TSKS: variants seen among roughly 807,000 people sequenced by gnomAD.
TSKS encodes the protein testis specific serine kinase substrate.
A neutral mutation model predicts 68.0 loss-of-function variants in TSKS; 27 were observed. The observed-to-expected ratio is 0.40, with a 90% CI of 0.29 to 0.55. TSKS has a LOEUF of 0.55. Ranked by LOEUF, TSKS falls within the 20% of genes least tolerant of loss-of-function variation. The probability of loss-of-function intolerance (pLI) is 0.53; values close to 1 mark genes in which losing one functional copy is unlikely to be tolerated. For synonymous variants in TSKS, 331 were observed against 340.4 expected (o/e 0.97, Z 0.30); for missense variants, 806 against 776.0 (o/e 1.04, Z -0.46).
chr19:49,756,394 G>A (rs983769080), intron 2 of TSKS, among the ~76,000 whole-genome samples: 4 of 152,078 alleles, frequency 2.6e-5, no homozygotes, highest in African/African-American at 9.7e-5. Context: ...AGGAGGTTGA[G>A]GCTGCAGTGA....
intron 2 of TSKS, among the ~76,000 whole-genome samples, chr19:49,749,350 C>T (rs185273512): frequency 6.6e-6 from 1 of 152,312 alleles, no homozygotes; most frequent in Non-Finnish European, 1.5e-5. Context: ...ATTCAGAACG[C>T]TTGTTTTAAA....
chr19:49,752,383 C>CA (rs35015955), intron 2 of TSKS, among the ~76,000 whole-genome samples: 1,951 of 83,090 alleles, frequency 0.023, 30 homozygotes, highest in African/African-American at 0.049. Context: ...AACTCCATCT[C>CA]AAAAAAAAAA....
At position 49,745,317 on chromosome 19, in the gene TSKS, G is replaced by C. The variant is rs2084288251; in HGVS notation, c.1072C>G (p.Leu358Val). 1.9e-6 allele frequency: 3 copies of C among 1,603,654 alleles called. No individual in the cohort carries two copies. The African/African-American group carries it at 4.0e-5, about 21-fold the overall frequency. Reference sequence around the variant, plus strand: ...AGGAAGCCGTCGACCCTGCCGCCCAGGCCCCCGAGCAGCCGCAGGGCTTCC... The same window carrying C: ...AGGAAGCCGTCGACCCTGCCGCCCACGCCCCCGAGCAGCCGCAGGGCTTCC... ...VQEALRLLGG[L>V]GGRVDGFLGQ... The change falls in exon 7 of 11, where the codon CTG becomes GTG. Residue 358 changes from leucine to valine, a missense_variant. Coordinates refer to ENST00000246801, the MANE Select transcript of TSKS (RefSeq NM_021733.2).
At chr19:49,745,486 A>C in intron 6 of TSKS, 90 bp from the exon 7 acceptor site, 2 of 1,138,022 alleles carry the variant, frequency 1.8e-6, no homozygotes, top group South Asian at 1.8e-5. Context: ...GGACTCACCT[A>C]TCTCGCCCCA....
rs748716590 is a variant in TSKS at position 49,746,519 on chromosome 19, C to G, written c.943G>C (p.Val315Leu). 6.2e-7 allele frequency: 1 copy of G among 1,613,884 alleles called. No individual in the cohort carries two copies. The highest frequency in any genetic ancestry group is 8.5e-7 in the Non-Finnish European group (1 of 1,179,952). The change falls in exon 6 of 11, where the codon GTG becomes CTG. Residue 315 changes from valine (V) to leucine (L), a missense_variant. Coordinates refer to ENST00000246801, the MANE Select transcript of TSKS (RefSeq NM_021733.2). ...MGPRAGEGPY[V>L]SEQELQKLFT... The stretch of plus-strand genomic sequence containing the variant: ...AGCTTCTGCAATTCCTGCTCGCTCA[C>G]GTAGGGGCCCTCGCCAGCCCGAGGC...
rs750484116 is a variant in TSKS at position 49,740,154 on chromosome 19, G to A, written c.1527C>T (p.His509=). ...TGGAGCTCAGGGCCTCTGCCCTGAC[G>A]TGTTTGGCTAAGGCCTGGCGCTCCA... ...LELERQALAK[H]VRAEALSSTL... The change falls in exon 10 of 11, where the codon CAC becomes CAT. Residue 509 remains histidine (H), a synonymous_variant. Transcript: ENST00000246801. 24 of 1,613,724 alleles carry A rather than the reference G, an allele frequency of 1.5e-5. No individual in the cohort carries two copies. Among genetic ancestry groups the A allele is most frequent in the Admixed American group, 3.3e-5 (2 of 59,980 alleles).
At chr19:49,746,255 A>G (rs1202910524) in intron 6 of TSKS, among the ~76,000 whole-genome samples, 2 of 151,820 alleles carry the variant, frequency 1.3e-5, no homozygotes, top group Non-Finnish European at 2.9e-5. Flanking sequence ...CAGCTCCTGG[A>G]GACTCCTCCC....
chr19:49,757,372 T>G (rs1017799656), intron 2 of TSKS, among the ~76,000 whole-genome samples: 5 of 152,146 alleles, frequency 3.3e-5, no homozygotes, highest in African/African-American at 1.2e-4. Flanking sequence ...CCTCCAAGTT[T>G]GTTGTTTGAA....
At chr19:49,743,493 C>CTT (rs761657800) in intron 8 of TSKS, among the ~76,000 whole-genome samples, 1,614 of 103,864 alleles carry the variant, frequency 0.016, 28 homozygotes, top group African/African-American at 0.022. Flanking sequence ...AAGTGAATTT[C>CTT]TTTTTTTTTT....
intron 2 of TSKS, among the ~76,000 whole-genome samples, chr19:49,751,023 G>A (rs1280496959): frequency 1.3e-5 from 2 of 151,944 alleles, no homozygotes; most frequent in East Asian, 3.9e-4. Context: ...AATAATTCAG[G>A]CCGGGCACAG....
chr19:49,745,859 G>T (rs1288036847), intron 6 of TSKS, among the ~76,000 whole-genome samples: 1 of 152,160 alleles, frequency 6.6e-6, no homozygotes, highest in Non-Finnish European at 1.5e-5. Context: ...TCCCTCCTCT[G>T]CTCTTGGAGA....
intron 6 of TSKS, 79 bp from the exon 7 acceptor site, chr19:49,745,475 A>G: frequency 8.2e-7 from 1 of 1,220,540 alleles, no homozygotes; most frequent in Admixed American, 2.8e-5. Flanking sequence ...TAGGTGGGAC[A>G]GGACTCACCT....
intron 2 of TSKS, among the ~76,000 whole-genome samples, chr19:49,751,301 C>CAAAAAA (rs55750605): frequency 3.7e-4 from 13 of 35,030 alleles, no homozygotes; most frequent in South Asian, 2.1e-3. Flanking sequence ...GATTCCATCT[C>CAAAAAA]AAAAAAAAAA....
chr19:49,746,757 C>T lies in TSKS; in HGVS notation c.705G>A (p.Thr235=). ...RYLQQQLQDE[T]PRRQEAELQE... ...GCAGCTCGGCCTCCTGCCGTCGCGG[C>T]GTCTCATCCTGCAGCTGCTGCTGGA... The change falls in exon 6 of 11, where the codon ACG becomes ACA. Residue 235 remains threonine, a synonymous_variant. Coordinates refer to ENST00000246801, the MANE Select transcript of TSKS (RefSeq NM_021733.2). The T allele has an allele frequency of 6.2e-7, 1 of 1,601,340 alleles. No individual in the cohort carries two copies. Among genetic ancestry groups the T allele is most frequent in the Non-Finnish European group, 8.5e-7 (1 of 1,179,674 alleles).
At chr19:49,745,164 C>T (rs1433946360) in intron 7 of TSKS, 38 bp downstream of exon 7, 3 of 1,526,454 alleles carry the variant, frequency 2.0e-6, no homozygotes. Flanking sequence ...ATTGCCCTGC[C>T]CCTTCCGGTC....
intron 2 of TSKS, among the ~76,000 whole-genome samples, chr19:49,761,184 T>C (rs2084437576): frequency 6.6e-6 from 1 of 152,134 alleles, no homozygotes; most frequent in South Asian, 2.1e-4. Context: ...TCCCTGAACA[T>C]AGAAAGTGCT....
intron 8 of TSKS, 72 bp from the exon 9 acceptor site, chr19:49,742,092 C>T: frequency 6.4e-7 from 1 of 1,562,684 alleles, no homozygotes; most frequent in African/African-American, 1.4e-5. Flanking sequence ...CCATGCTCAC[C>T]TGTGGAGCCT....
chr19:49,750,538 TA>T (rs1284697365), intron 2 of TSKS, among the ~76,000 whole-genome samples: 1 of 152,150 alleles, frequency 6.6e-6, no homozygotes, highest in Non-Finnish European at 1.5e-5. Context: ...ATTACAGGCG[TA>T]AGCCACCGTG....
At chr19:49,744,689 C>A (rs2084281371) in intron 7 of TSKS, among the ~76,000 whole-genome samples, 1 of 152,028 alleles carries the variant, frequency 6.6e-6, no homozygotes, top group South Asian at 2.1e-4. Context: ...CTCAAGCGAT[C>A]ACTCCTGCCT....
Sources: allele counts gnomAD v4.1 joint callset (sites outside exome capture counted in the v4.1 genomes callset), GRCh38; gene constraint gnomAD v4.1.1; transcripts MANE v1.5; gene names NCBI Gene and HGNC (gene_info 2026-07-23, HGNC 2026-07-21).